Variants in LIPM observed in about 807,000 individuals in gnomAD.
LIPM encodes the protein lipase family member M.
LIPM carries 42 observed loss-of-function variants against 42.4 expected under a neutral mutation model. The observed-to-expected ratio is 0.99, with a 90% confidence interval of 0.77 to 1.28. The LOEUF (loss-of-function observed/expected upper bound fraction) is 1.28. LIPM is among the 50% of genes most tolerant of loss of function. LIPM has a pLI of 0.00. For synonymous variants in LIPM, 177 were observed against 173.3 expected (o/e 1.02, Z -0.17); for missense variants, 524 against 520.1 (o/e 1.01, Z -0.07).
intron 1 of LIPM, 27 bp downstream of exon 1, chr10:88,803,070 G>T: frequency 4.5e-6 from 7 of 1,546,388 alleles, no homozygotes; most frequent in Non-Finnish European, 6.1e-6. Context: ...GGGAAATGAG[G>T]TACTTAACAT....
intron 2 of LIPM, among the ~76,000 whole-genome samples, chr10:88,810,463 T>A (rs1437122365): frequency 6.6e-6 from 1 of 150,436 alleles, no homozygotes; most frequent in Non-Finnish European, 1.5e-5. Context: ...TTCCCTCTAG[T>A]GGCCAATGTT....
Position 88,820,231 on chromosome 10 carries a change from G to A in LIPM, c.1003-1G>A. 6.5e-7 allele frequency: 1 copy of A among 1,547,884 alleles called. No individual in the cohort carries two copies. Among genetic ancestry groups the A allele is most frequent in the Non-Finnish European group, 8.7e-7 (1 of 1,145,684 alleles). On this transcript the variant is annotated splice_acceptor_variant, in intron 8 of 8. Transcript: ENST00000404743. LOFTEE classifies it high-confidence loss of function. Reference sequence around the variant, plus strand: ...AGTTAAGAACTATTCCTTTTCTCTAGCCAACTCCTGTAAGGTACAGAGTCA... The same window carrying A: ...AGTTAAGAACTATTCCTTTTCTCTAACCAACTCCTGTAAGGTACAGAGTCA...
At position 88,820,446 on chromosome 10, in the gene LIPM, T is replaced by C. The variant is rs1371930373; in HGVS notation, c.1217T>C (p.Leu406Pro). The C allele has an allele frequency of 8.4e-6, 13 of 1,551,898 alleles. No individual in the cohort carries two copies. Among genetic ancestry groups the C allele is most frequent in the Non-Finnish European group, 1.1e-5 (13 of 1,147,074 alleles). Residue 406 changes from leucine (L) to proline (P), a missense_variant, in exon 9 of 9, where the codon CTG (leucine) becomes CCG (proline). Leu to Pro is a moderately conservative substitution (Grantham distance 98, BLOSUM62 -3). Coordinates refer to ENST00000404743, the MANE Select transcript of LIPM (RefSeq NM_001128215.1). ...PHRMYNEIIH[L>P]MQQEETNLSQ... The stretch of plus-strand genomic sequence containing the variant: ...CGTATGTACAATGAAATCATCCATC[T>C]GATGCAGCAGGAGGAGACCAACCTT...
intron 2 of LIPM, among the ~76,000 whole-genome samples, chr10:88,810,585 G>A (rs1335773400): frequency 6.6e-6 from 1 of 151,982 alleles, no homozygotes; most frequent in Non-Finnish European, 1.5e-5. Flanking sequence ...AATGTTTACT[G>A]TAAAGCTTAT....
chr10:88,812,261 T>G (rs1843664620), intron 2 of LIPM, among the ~76,000 whole-genome samples: 1 of 152,248 alleles, frequency 6.6e-6, no homozygotes, highest in Non-Finnish European at 1.5e-5. Flanking sequence ...GTTCCAATAC[T>G]GATAATAACT....
intron 1 of LIPM, 139 bp from the exon 2 acceptor site, chr10:88,808,159 T>C (rs1464875392): frequency 3.4e-6 from 2 of 590,052 alleles, no homozygotes; most frequent in East Asian, 2.8e-5. Context: ...CAGATTTTTC[T>C]AAGGTAACAT....
chr10:88,820,115 C>A, intron 8 of LIPM, 117 bp from the exon 9 acceptor site: 1 of 766,594 alleles, frequency 1.3e-6, no homozygotes, highest in Non-Finnish European at 2.0e-6. Context: ...GTGGCTCTAA[C>A]ACCCATGTAC....
At chr10:88,810,654 A>G (rs767120957) in intron 2 of LIPM, among the ~76,000 whole-genome samples, 3 of 152,202 alleles carry the variant, frequency 2.0e-5, no homozygotes, top group Non-Finnish European at 2.9e-5. Context: ...TTCAATATCA[A>G]GAGAGAAAAT....
At chr10:88,803,676 G>A (rs1191150214) in intron 1 of LIPM, among the ~76,000 whole-genome samples, 1 of 135,466 alleles carries the variant, frequency 7.4e-6, no homozygotes, top group Non-Finnish European at 1.6e-5. Flanking sequence ...TTTTAGTAAT[G>A]GTCACCCTAT....
intron 5 of LIPM, 51 bp from the exon 6 acceptor site, chr10:88,815,306 C>T (rs1843705448): frequency 3.2e-6 from 5 of 1,547,044 alleles, no homozygotes; most frequent in Admixed American, 2.0e-5. Context: ...TTTTAAATTA[C>T]AGTCACATCT....
At chr10:88,804,783 C>A (rs1419894555) in intron 1 of LIPM, among the ~76,000 whole-genome samples, 2 of 152,182 alleles carry the variant, frequency 1.3e-5, no homozygotes, top group African/African-American at 4.8e-5. Context: ...CCTTAATTTG[C>A]ATGAAATTAA....
intron 8 of LIPM, 42 bp from the exon 9 acceptor site, chr10:88,820,190 T>C: frequency 6.8e-7 from 1 of 1,479,144 alleles, no homozygotes; most frequent in Non-Finnish European, 9.1e-7. Context: ...AGCCTGAAAG[T>C]CCAAATGTTA....
chr10:88,804,552 C>T (rs997341912), intron 1 of LIPM, among the ~76,000 whole-genome samples: 2 of 152,106 alleles, frequency 1.3e-5, no homozygotes, highest in African/African-American at 4.8e-5. Context: ...AGTGAATAAA[C>T]AAGCACAAAC....
At chr10:88,819,749 C>G (rs752879374) in intron 8 of LIPM, among the ~76,000 whole-genome samples, 34 of 152,310 alleles carry the variant, frequency 2.2e-4, no homozygotes, top group Non-Finnish European at 4.4e-4. Context: ...TGCAGTCAAG[C>G]CGGGTCTGCC....
chr10:88,808,322 T>G lies in LIPM; in HGVS notation c.172T>G (p.Tyr58Asp). The part of the protein sequence containing the change: ...NISEIIQHQG[Y>D]PCEEYEVATE... ...GAGTGAAATCATCCAACATCAAGGC[T>G]ATCCCTGTGAGGAATATGAAGTCGC... Residue 58 changes from tyrosine to aspartate, a missense_variant, in exon 2 of 9, where the codon TAT (tyrosine) becomes GAT (aspartate). Transcript: ENST00000404743. The G allele has an allele frequency of 6.4e-7, 1 of 1,550,422 alleles. No homozygotes were observed. Among genetic ancestry groups the G allele is most frequent in the Non-Finnish European group, 8.7e-7 (1 of 1,145,818 alleles).
rs1225044149 is a variant in LIPM, at chr10:88,815,169, A to T, written c.656A>T (p.Lys219Met). The change falls in exon 5 of 9, where the codon AAG becomes ATG. Residue 219 changes from lysine (K) to methionine (M), a missense_variant. Lys to Met is a moderately conservative substitution (Grantham distance 95). Coordinates refer to ENST00000404743, the MANE Select transcript of LIPM (RefSeq NM_001128215.1). ...YFALAPIATV[K>M]HAKSPGTKFL... ...GCTTTAGCACCCATAGCCACTGTTA[A>T]GCATGCAAAAAGCCCCGGGACCAAA... 6 of 1,551,884 alleles carry T rather than the reference A, an allele frequency of 3.9e-6. No individual in the cohort carries two copies. Among genetic ancestry groups the T allele is most frequent in the Non-Finnish European group, 5.2e-6 (6 of 1,147,044 alleles).
chr10:88,810,825 T>C (rs544283253), intron 2 of LIPM, among the ~76,000 whole-genome samples: 1 of 152,222 alleles, frequency 6.6e-6, no homozygotes, highest in East Asian at 1.9e-4. Context: ...TATGACTAAG[T>C]AGAACCAAGG....
At chr10:88,803,648 T>C (rs907335024) in intron 1 of LIPM, among the ~76,000 whole-genome samples, 1 of 151,508 alleles carries the variant, frequency 6.6e-6, no homozygotes, top group Non-Finnish European at 1.5e-5. Context: ...TTGGTAGCTT[T>C]TCAAATTCTA....
intron 1 of LIPM, among the ~76,000 whole-genome samples, chr10:88,806,717 C>G (rs303531): frequency 0.8 from 121,015 of 152,096 alleles, 49,173 homozygotes; most frequent in East Asian, 1. Context: ...ATGGAGTCTC[C>G]CTCTGTCACC....
Sources: gnomAD v4.1 joint callset for allele counts (sites outside exome capture counted in the v4.1 genomes callset) on GRCh38, gnomAD v4.1.1 for gene constraint, MANE v1.5 for transcripts, NCBI Gene and HGNC (gene_info 2026-07-23, HGNC 2026-07-21) for gene names.